Variants in ZFHX3 observed in about 807,000 individuals in gnomAD.
ZFHX3 encodes the protein zinc finger homeobox 3.
Under a neutral mutation model 279.1 loss-of-function variants are expected in ZFHX3, and 42 were observed. That is an observed-to-expected ratio of 0.15 (90% CI 0.12 to 0.19). The LOEUF (loss-of-function observed/expected upper bound fraction) is 0.19. Among genes scored for constraint, ZFHX3 ranks in the 10% least tolerant of loss-of-function variants. The probability of loss-of-function intolerance (pLI) is 1.00; values close to 1 mark genes in which losing one functional copy is unlikely to be tolerated. For synonymous variants in ZFHX3, 2,293 were observed against 1,957.8 expected (o/e 1.17, Z -4.52); for missense variants, 4,981 against 4,754.0 (o/e 1.05, Z -1.40).
chr16:73,847,544 G>A (rs767445067), intron 1 of ZFHX3, among the ~76,000 whole-genome samples: 4 of 152,114 alleles, frequency 2.6e-5, no homozygotes, highest in East Asian at 3.9e-4. Flanking sequence ...AATAACTAGA[G>A]TGACATCCCA....
chr16:73,633,710 T>C (rs958505906), intron 2 of ZFHX3, among the ~76,000 whole-genome samples: 3 of 152,138 alleles, frequency 2.0e-5, no homozygotes, highest in Non-Finnish European at 2.9e-5. Flanking sequence ...ATCAGGAACA[T>C]GCACCAAGGG....
intron 3 of ZFHX3, among the ~76,000 whole-genome samples, chr16:73,451,990 T>C (rs1379004907): frequency 6.6e-6 from 1 of 152,198 alleles, no homozygotes; most frequent in African/African-American, 2.4e-5. Context: ...GGCTACATAC[T>C]GTATTTAACT....
intron 3 of ZFHX3, among the ~76,000 whole-genome samples, chr16:73,407,350 G>A (rs552314358): frequency 8.8e-4 from 134 of 152,272 alleles, no homozygotes; most frequent in Non-Finnish European, 1.6e-3. Context: ...AATGAGGGAA[G>A]GGCCTGAATG....
chr16:73,802,785 C>T (rs1298528913), intron 1 of ZFHX3, among the ~76,000 whole-genome samples: 1 of 152,078 alleles, frequency 6.6e-6, no homozygotes, highest in Non-Finnish European at 1.5e-5. Flanking sequence ...ATTTTATATT[C>T]TTAGAGTAAA....
chr16:72,935,500 G>C (rs1294298074), intron 3 of ZFHX3, among the ~76,000 whole-genome samples: 1 of 152,132 alleles, frequency 6.6e-6, no homozygotes, highest in Non-Finnish European at 1.5e-5. Context: ...CAGCATTTTG[G>C]GAGGCAGAGG....
At chr16:73,193,506 G>A (rs1183290941) in intron 5 of ZFHX3, among the ~76,000 whole-genome samples, 1 of 152,132 alleles carries the variant, frequency 6.6e-6, no homozygotes, top group Admixed American at 6.5e-5. Context: ...CAGTTTGCTG[G>A]GATCCCCCTG....
At chr16:72,913,648 T>C (rs2039373894) in intron 3 of ZFHX3, among the ~76,000 whole-genome samples, 4 of 152,134 alleles carry the variant, frequency 2.6e-5, no homozygotes, top group Admixed American at 2.6e-4. Flanking sequence ...ACTTTACTCA[T>C]TAAAAAGAGT....
rs1038254506 is a variant in ZFHX3, at chr16:73,884,507, C to A, written c.-1608+7144G>T. On this transcript the variant is annotated intron_variant, in intron 1 of 17. Transcript: ENST00000641206. ...ACAAAAGAAACATGGAAAAATCATGCAGTTTAGACTTTTAATTAAATTGTT... is the reference window on the plus strand; with the variant it reads ...ACAAAAGAAACATGGAAAAATCATGAAGTTTAGACTTTTAATTAAATTGTT... Among the ~76,000 whole-genome samples, 11 of 152,278 alleles carry A rather than the reference C, an allele frequency of 7.2e-5. No individual in the cohort carries two copies. In the South Asian group the frequency reaches 2.1e-3, roughly 29 times the overall value.
intron 5 of ZFHX3, chr16:73,232,590 AC>A (rs1354338818): frequency 3.9e-5 from 6 of 152,000 alleles, no homozygotes; most frequent in Admixed American, 3.9e-4. Context: ...CTTGGAGGAA[AC>A]CCCCATCTTG....
chr16:73,729,337 G>A (rs2053548851), intron 1 of ZFHX3, among the ~76,000 whole-genome samples: 1 of 152,176 alleles, frequency 6.6e-6, no homozygotes, highest in Non-Finnish European at 1.5e-5. Flanking sequence ...GACCAGCCTG[G>A]TCAACATGGT....
At chr16:73,443,698 G>C (rs1025581053) in intron 3 of ZFHX3, among the ~76,000 whole-genome samples, 1 of 152,018 alleles carries the variant, frequency 6.6e-6, no homozygotes, top group Admixed American at 6.6e-5. Flanking sequence ...GGAGAATAAT[G>C]ATTCAAAAAT....
At chr16:73,345,831 T>C (rs907053592) in intron 3 of ZFHX3, among the ~76,000 whole-genome samples, 1 of 152,168 alleles carries the variant, frequency 6.6e-6, no homozygotes, top group African/African-American at 2.4e-5. Flanking sequence ...TCTTCTCACC[T>C]GTGGTGCTTG....
At chr16:73,491,776 G>T (rs1212062950) in intron 2 of ZFHX3, among the ~76,000 whole-genome samples, 2 of 152,072 alleles carry the variant, frequency 1.3e-5, no homozygotes, top group Non-Finnish European at 2.9e-5. Context: ...GGAGGCAAGT[G>T]GTGGGGGTGT....
Position 72,811,917 on chromosome 16 carries a change from G to T in ZFHX3, c.3651C>A (p.Ile1217=), listed in dbSNP as rs199992763. ...CTTCCAGCCTCACCTGCTCCGGTTT[G>T]ATCTCCTCAGCTGTTTTTGGTCGCT... is the stretch of plus-strand genomic sequence containing the variant. ...SSKRPKTAEE[I]KPEQMYQCPY... The change falls in exon 6 of 10, where the codon ATC becomes ATA. Residue 1217 remains isoleucine, a synonymous_variant. Transcript: ENST00000268489. The T allele has an allele frequency of 1.2e-6, 2 of 1,609,522 alleles. No homozygotes were observed. Among genetic ancestry groups the T allele is most frequent in the South Asian group, 2.2e-5 (2 of 90,944 alleles).
chr16:72,957,390 C>G, intron 2 of ZFHX3, 37 bp downstream of exon 2: 1 of 1,558,916 alleles, frequency 6.4e-7, no homozygotes, highest in African/African-American at 1.4e-5. Context: ...GGTTAAACTC[C>G]TATCATGAAA....
chr16:73,368,993 C>T (rs1168101112), intron 3 of ZFHX3, among the ~76,000 whole-genome samples: 1 of 152,210 alleles, frequency 6.6e-6, no homozygotes, highest in African/African-American at 2.4e-5. Context: ...ACAATGTGAC[C>T]TCTGTGACTT....
At chr16:73,110,090 G>C (rs1166231218) in intron 7 of ZFHX3, among the ~76,000 whole-genome samples, 1 of 151,454 alleles carries the variant, frequency 6.6e-6, no homozygotes, top group Admixed American at 6.6e-5. Flanking sequence ...AATACAAAAA[G>C]CTACTCAGGA....
chr16:73,660,092 G>C (rs546329516), intron 2 of ZFHX3, among the ~76,000 whole-genome samples: 1 of 152,224 alleles, frequency 6.6e-6, no homozygotes, highest in African/African-American at 2.4e-5. Flanking sequence ...ATTCAGAACG[G>C]GAAATTGAAC....
chr16:73,047,085 T>C (rs1965327113), intron 1 of ZFHX3, among the ~76,000 whole-genome samples: 1 of 152,204 alleles, frequency 6.6e-6, no homozygotes, highest in Non-Finnish European at 1.5e-5. Flanking sequence ...AAGAACATTT[T>C]CCAGAAGGTT....
Sources: allele counts gnomAD v4.1 joint callset (sites outside exome capture counted in the v4.1 genomes callset), GRCh38; gene constraint gnomAD v4.1.1; transcripts MANE v1.5; gene names NCBI Gene and HGNC (gene_info 2026-07-23, HGNC 2026-07-21).